Variants in UBR2 observed in about 807,000 individuals in gnomAD.
UBR2 encodes ubiquitin protein ligase E3 component n-recognin 2, also known as E3 ubiquitin-protein ligase UBR2.
In UBR2, 92 loss-of-function variants were observed where a neutral mutation model predicts 247.9. The observed-to-expected ratio is 0.37, with a 90% CI of 0.31 to 0.44. UBR2 has a LOEUF of 0.44. UBR2 is among the 20% of genes least tolerant of loss of function. The pLI is 1.00. For missense variants in UBR2, 1,613 were observed against 2,112.6 expected, an observed-to-expected ratio of 0.76 and a Z score of 4.64; for synonymous variants, 672 against 693.5, an observed-to-expected ratio of 0.97 and a Z score of 0.49.
rs551410571 is a variant in UBR2 at position 42,610,226 on chromosome 6, C to T, written c.865-1945C>T. 4.6e-5 allele frequency among the ~76,000 whole-genome samples: 7 copies of T among 152,204 alleles called. No homozygotes were observed. The East Asian group carries it at 1.4e-3, about 29-fold the overall frequency. ...ATATGGAGAAATTAAAACCTTTGTG[C>T]ACTACTGGTAGGAAGGTAAAATGGT... is the stretch of plus-strand genomic sequence containing the variant. On this transcript the variant is annotated intron_variant, in intron 7 of 46. Transcript: ENST00000372901.
At chr6:42,617,157 T>A in intron 10 of UBR2, 1 of 1,249,370 alleles carries the variant, frequency 8.0e-7, no homozygotes, top group Non-Finnish European at 1.2e-6. Context: ...TCTTCTTGAC[T>A]TCCTCCAGCA....
intron 2 of UBR2, among the ~76,000 whole-genome samples, chr6:42,587,929 C>T (rs184979395): frequency 1.8e-4 from 28 of 152,218 alleles, no homozygotes; most frequent in East Asian, 7.7e-4. Context: ...TCTCATGCAA[C>T]GCTTCTGACA....
chr6:42,693,175 G>C lies in UBR2; in HGVS notation c.*2002G>C, dbSNP rs1799832280. The C allele has an allele frequency of 6.6e-6, 1 of 152,188 alleles. No homozygotes were observed. The highest frequency in any genetic ancestry group is 2.4e-5 in the African/African-American group (1 of 41,448). The allele number at this position is 152,188 out of a possible 1,614,324, so 9.4% of individuals were successfully genotyped here. A position where few individuals can be genotyped will look rare whatever the true frequency, so the allele number is the denominator to read the frequency against. On this transcript the variant is annotated 3_prime_UTR_variant, in exon 47 of 47. Transcript: ENST00000372901. The stretch of plus-strand genomic sequence containing the variant: ...TAGGAGCCTGGAGTTAGCAAAGGTT[G>C]TCTCTGGATTTCATTCTCTGAGAAT...
intron 16 of UBR2, 90 bp from the exon 17 acceptor site, chr6:42,641,492 A>C (rs181112513): frequency 1.2e-6 from 1 of 834,192 alleles, no homozygotes; most frequent in East Asian, 2.8e-5. Context: ...TTATAAAAGC[A>C]TTTATCTCTA....
At position 42,618,755 on chromosome 6, in the gene UBR2, G is replaced by A. The variant is rs118156149; in HGVS notation, c.1281+1248G>A. ...CCCAGGGAAAAATTGATGGTAACTCGAACTGGGATGCTGAAAGTGGATATG... is the reference window on the plus strand; with the variant it reads ...CCCAGGGAAAAATTGATGGTAACTCAAACTGGGATGCTGAAAGTGGATATG... On this transcript the variant is annotated intron_variant, in intron 11 of 46. Transcript: ENST00000372901. 7.0e-4 allele frequency among the ~76,000 whole-genome samples: 106 copies of A among 152,320 alleles called. No homozygotes were observed. In the East Asian group the frequency reaches 0.019, roughly 27 times the overall value.
chr6:42,567,685 C>T (rs1465086278), intron 1 of UBR2, among the ~76,000 whole-genome samples: 1 of 152,066 alleles, frequency 6.6e-6, no homozygotes, highest in Non-Finnish European at 1.5e-5. Flanking sequence ...GCCGAGATCG[C>T]GCCACTGCAC....
At chr6:42,601,939 G>A (rs1470917989) in intron 4 of UBR2, among the ~76,000 whole-genome samples, 3 of 89,660 alleles carry the variant, frequency 3.3e-5, no homozygotes, top group Middle Eastern at 6.0e-3. Context: ...GCACAATCTC[G>A]GTTCCCTGCA....
chr6:42,624,365 C>G (rs940902608), intron 11 of UBR2, among the ~76,000 whole-genome samples: 1 of 150,078 alleles, frequency 6.7e-6, no homozygotes, highest in African/African-American at 2.5e-5. Flanking sequence ...GTTGCCCAGG[C>G]TAGTCTTGAA....
chr6:42,689,166 T>TGGATCCAGGG lies in UBR2; in HGVS notation c.5025-402_5025-401insGATCCAGGGG. 6.6e-6 allele frequency among the ~76,000 whole-genome samples: 1 copy of TGGATCCAGGG among 152,196 alleles called. No homozygotes were observed. The highest frequency in any genetic ancestry group is 2.1e-4 in the South Asian group (1 of 4,832). ...CAGGTGAGAGAATCCAGGGGCCTGC[T>TGGATCCAGGG]GTGTGCTGGTGACATCTCTGGGCAA... On this transcript the variant is annotated intron_variant, in intron 45 of 46. Coordinates refer to ENST00000372901, the MANE Select transcript of UBR2 (RefSeq NM_001363705.2). This position sits in a 1 kb window ranked among gnomAD's most constrained non-coding sequence, Gnocchi z 4.0.
chr6:42,605,973 C>G (rs1197523090), intron 6 of UBR2, 114 bp downstream of exon 6: 4 of 982,646 alleles, frequency 4.1e-6, no homozygotes, highest in Non-Finnish European at 5.7e-6. Flanking sequence ...CTTAAAATTT[C>G]ATTTGTCATG....
At chr6:42,601,523 T>C (rs1793354591) in intron 4 of UBR2, among the ~76,000 whole-genome samples, 1 of 151,966 alleles carries the variant, frequency 6.6e-6, no homozygotes, top group Non-Finnish European at 1.5e-5. Context: ...ACCCTGTCTC[T>C]ACTAAAAATA....
In UBR2 at chr6:42,658,826, TAAA is replaced by T. The variant is rs35416750; in HGVS notation, c.3242+20_3242+22del. 14,586 of 1,280,782 alleles carry T rather than the reference TAAA, an allele frequency of 0.011. No individual in the cohort carries two copies. The highest frequency in any genetic ancestry group is 0.033 in the South Asian group (1,685 of 51,740). The allele number at this position is 1,280,782 out of a possible 1,614,324, so 79.3% of individuals were successfully genotyped here. ...AACCTCTGCTGTTCTTGATCATAGG[TAAA>T]AAAAAAAAAAAAAAAAATTAATGTC... is the stretch of plus-strand genomic sequence containing the variant. On this transcript the variant is annotated splice_donor_5th_base_variant and intron_variant, in intron 29 of 46. Transcript: ENST00000372901.
At chr6:42,671,028 A>C (rs1168268044) in intron 36 of UBR2, among the ~76,000 whole-genome samples, 2 of 152,046 alleles carry the variant, frequency 1.3e-5, no homozygotes, top group Non-Finnish European at 2.9e-5. Context: ...TCTACTAAAA[A>C]CACAAAATTA....
chr6:42,669,994 G>T, intron 34 of UBR2, 98 bp from the exon 35 acceptor site: 7 of 1,380,054 alleles, frequency 5.1e-6, no homozygotes, highest in Non-Finnish European at 7.0e-6. Flanking sequence ...TATGTTAAGT[G>T]GTTCAATTTC....
intron 2 of UBR2, among the ~76,000 whole-genome samples, chr6:42,577,819 G>T (rs1442815610): frequency 1.3e-5 from 2 of 151,816 alleles, no homozygotes; most frequent in African/African-American, 4.8e-5. Flanking sequence ...TGGGGGCGGG[G>T]GTGGCTTATG....
intron 11 of UBR2, among the ~76,000 whole-genome samples, chr6:42,622,011 C>T (rs917174646): frequency 6.6e-6 from 1 of 151,682 alleles, no homozygotes; most frequent in Admixed American, 6.6e-5. Context: ...AGAGGGCTTC[C>T]CACTCTTCTT....
intron 7 of UBR2, 125 bp downstream of exon 7, chr6:42,606,776 A>G (rs1793731498): frequency 1.4e-6 from 1 of 740,480 alleles, no homozygotes; most frequent in Non-Finnish European, 2.1e-6. Context: ...TTTAAAGATA[A>G]TGTTTCTTAA....
chr6:42,640,383 G>GGTGTGT (rs61668810), intron 16 of UBR2, 113 bp downstream of exon 16: 5,178 of 170,976 alleles, frequency 0.03, 59 homozygotes, highest in Admixed American at 0.05. Context: ...GAACCAGTAA[G>GGTGTGT]GTGTGTGTGT....
At chr6:42,609,208 G>A (rs1000716390) in intron 7 of UBR2, among the ~76,000 whole-genome samples, 8 of 152,162 alleles carry the variant, frequency 5.3e-5, no homozygotes, top group African/African-American at 1.9e-4. Flanking sequence ...ACCTCACCTA[G>A]GAATTTATCT....
Sources: allele counts gnomAD v4.1 joint callset (sites outside exome capture counted in the v4.1 genomes callset), GRCh38; gene constraint gnomAD v4.1.1; non-coding constraint Gnocchi (gnomAD v3.1); transcripts MANE v1.5; gene names NCBI Gene and HGNC (gene_info 2026-07-23, HGNC 2026-07-21).